Variants in MYO9B observed in about 807,000 individuals in gnomAD.
MYO9B encodes the protein unconventional myosin-IXb.
A neutral mutation model predicts 229.5 loss-of-function variants in MYO9B; 71 were observed. The ratio of observed to expected loss-of-function variants is 0.31; its 90% CI spans 0.26 to 0.38. MYO9B has a LOEUF of 0.38. Ranked by LOEUF, MYO9B falls within the 10% of genes least tolerant of loss-of-function variation. MYO9B has a pLI of 1.00. For missense variants in MYO9B, 2,255 were observed against 2,920.5 expected, an observed-to-expected ratio of 0.77 and a Z score of 5.25; for synonymous variants, 1,185 against 1,235.8, an observed-to-expected ratio of 0.96 and a Z score of 0.86.
At chr19:17,120,786 G>GGA (rs141471234) in intron 2 of MYO9B, among the ~76,000 whole-genome samples, 6 of 151,592 alleles carry the variant, frequency 4.0e-5, no homozygotes, top group South Asian at 2.1e-4. Context: ...TATATGTTCT[G>GGA]GAGAGAGAGA....
rs954968105 is a variant in MYO9B at position 17,182,223 on chromosome 19, G to GTGCA, written c.2333+1186_2333+1187insATGC. Among the ~76,000 whole-genome samples the GTGCA allele has an allele frequency of 5.3e-5, 8 of 152,106 alleles. 1 individual carries two copies. The highest frequency in any genetic ancestry group is 1.9e-4 in the African/African-American group (8 of 41,498). On this transcript the variant is annotated intron_variant, in intron 15 of 39. Transcript: ENST00000682292. Reference sequence around the variant, plus strand: ...ACCTCCAGAGTAGCTGGAACTACAGGTGCGCATTACCACACCTGTCTAATT... The same window carrying GTGCA: ...ACCTCCAGAGTAGCTGGAACTACAGGTGCATGCGCATTACCACACCTGTCTAATT...
intron 14 of MYO9B, among the ~76,000 whole-genome samples, chr19:17,176,979 T>C (rs931092853): frequency 3.9e-5 from 6 of 152,110 alleles, no homozygotes; most frequent in African/African-American, 1.2e-4. Flanking sequence ...GGCGGGCGGA[T>C]CACTTGAGGT....
Position 17,195,674 on chromosome 19 carries a change from G to A in MYO9B, c.4046+201G>A, listed in dbSNP as rs1402171293. Among the ~76,000 whole-genome samples the A allele has an allele frequency of 6.6e-6, 1 of 152,180 alleles. No individual in the cohort carries two copies. The highest frequency in any genetic ancestry group is 2.4e-5 in the African/African-American group (1 of 41,458). ...CAGCCAGGGCCCAGGCTGGGACCTG[G>A]AGCCTTGAGGGGTCCCCAGAAGGAG... is the stretch of plus-strand genomic sequence containing the variant. On this transcript the variant is annotated intron_variant, in intron 22 of 39. Coordinates refer to ENST00000682292, the MANE Select transcript of MYO9B (RefSeq NM_004145.4). The surrounding 1 kb of genome is among the most constrained non-coding windows in gnomAD (Gnocchi z 4.5).
At chr19:17,177,849 G>A (rs966897113) in intron 14 of MYO9B, 4 of 152,620 alleles carry the variant, frequency 2.6e-5, no homozygotes, top group South Asian at 2.1e-4. Flanking sequence ...CGATATTAAC[G>A]CTTTTGAGGA....
rs34273602 is a variant in MYO9B at position 17,137,225 on chromosome 19, C to CAA, written c.841-8155_841-8154dup. ...CCTGGGCAACAAGAGCAAACTGTCTCAAAAAAAAAAAAAAAAAAGCCAGGT... is the reference window on the plus strand; with the variant it reads ...CCTGGGCAACAAGAGCAAACTGTCTCAAAAAAAAAAAAAAAAAAAAGCCAGGT... On this transcript the variant is annotated intron_variant, in intron 2 of 39. Coordinates refer to ENST00000682292, the MANE Select transcript of MYO9B (RefSeq NM_004145.4). Among the ~76,000 whole-genome samples the CAA allele has an allele frequency of 4.7e-4, 43 of 91,746 alleles. 1 individual carries two copies. The highest frequency in any genetic ancestry group is 2.5e-3 in the South Asian group (6 of 2,412). The allele number at this position is 91,746 out of a possible 152,430, so 60.2% of individuals were successfully genotyped here.
At chr19:17,163,201 G>A in intron 10 of MYO9B, 79 bp downstream of exon 10, 2 of 1,452,344 alleles carry the variant, frequency 1.4e-6, no homozygotes, top group Non-Finnish European at 1.9e-6. Context: ...TTAACCATTT[G>A]TAAATATTCA....
At chr19:17,200,970 G>A (rs867422665) in intron 26 of MYO9B, 141 bp downstream of exon 26, 2 of 1,019,308 alleles carry the variant, frequency 2.0e-6, no homozygotes, top group Admixed American at 4.9e-5. Context: ...CGGGGACAGT[G>A]GTTCATGTTT....
At chr19:17,100,309 A>T (rs1179240603) in intron 1 of MYO9B, among the ~76,000 whole-genome samples, 2 of 151,538 alleles carry the variant, frequency 1.3e-5, no homozygotes, top group East Asian at 1.9e-4. Context: ...ATCTCTACTT[A>T]AAAAAATACA....
intron 2 of MYO9B, among the ~76,000 whole-genome samples, chr19:17,111,207 C>G (rs79556020): frequency 0.065 from 9,828 of 152,218 alleles, 339 homozygotes; most frequent in South Asian, 0.11. Context: ...CTGATGTGGG[C>G]AGACTGACCA....
chr19:17,173,827 A>T (rs1387673090), intron 13 of MYO9B, among the ~76,000 whole-genome samples: 1 of 152,028 alleles, frequency 6.6e-6, no homozygotes, highest in Non-Finnish European at 1.5e-5. Flanking sequence ...TGGCTCACCC[A>T]GGTCTAAGGG....
At chr19:17,166,599 C>T (rs1275601313) in intron 10 of MYO9B, among the ~76,000 whole-genome samples, 1 of 151,956 alleles carries the variant, frequency 6.6e-6, no homozygotes, top group South Asian at 2.1e-4. Context: ...TTTCATCACC[C>T]AGGTATTAAA....
intron 30 of MYO9B, among the ~76,000 whole-genome samples, chr19:17,204,026 G>A (rs948107519): frequency 2.6e-5 from 4 of 152,066 alleles, no homozygotes; most frequent in African/African-American, 9.7e-5. Flanking sequence ...GCAGGGTCAA[G>A]AGGGCCTCTC....
chr19:17,210,139 C>T (rs1403154524), intron 36 of MYO9B, among the ~76,000 whole-genome samples, 194 bp from the exon 37 acceptor site: 1 of 152,154 alleles, frequency 6.6e-6, no homozygotes, highest in Non-Finnish European at 1.5e-5. Flanking sequence ...GACCTGGGCC[C>T]TACCCACGGG....
intron 24 of MYO9B, 31 bp downstream of exon 24, chr19:17,198,339 C>G: frequency 6.2e-7 from 1 of 1,610,600 alleles, no homozygotes; most frequent in Non-Finnish European, 8.5e-7. Context: ...AAACTCAGGC[C>G]ACCAGAGGAT....
chr19:17,162,618 A>C (rs2072616022), intron 9 of MYO9B, among the ~76,000 whole-genome samples, 152 bp downstream of exon 9: 1 of 152,138 alleles, frequency 6.6e-6, no homozygotes, highest in African/African-American at 2.4e-5. Flanking sequence ...GAAACAGGAC[A>C]GGCTACGAAA....
At chr19:17,173,703 G>T (rs2072750835) in intron 13 of MYO9B, among the ~76,000 whole-genome samples, 1 of 152,142 alleles carries the variant, frequency 6.6e-6, no homozygotes, top group South Asian at 2.1e-4. Flanking sequence ...GAGGCAGGGG[G>T]TGTGCCTGAT....
chr19:17,152,969 C>T (rs1324509153), intron 4 of MYO9B, among the ~76,000 whole-genome samples: 1 of 152,114 alleles, frequency 6.6e-6, no homozygotes, highest in Non-Finnish European at 1.5e-5. Flanking sequence ...GATGTCTGCA[C>T]AAAATATACT....
chr19:17,121,951 A>C (rs1296878546), intron 2 of MYO9B, among the ~76,000 whole-genome samples: 2 of 151,130 alleles, frequency 1.3e-5, no homozygotes, highest in Non-Finnish European at 2.9e-5. Flanking sequence ...GTGCCACTGC[A>C]CTCCAGCCTG....
intron 9 of MYO9B, 60 bp downstream of exon 9, chr19:17,162,526 A>G: frequency 2.1e-6 from 3 of 1,417,460 alleles, no homozygotes; most frequent in African/African-American, 1.4e-5. Flanking sequence ...CTCACTACCA[A>G]TATCCTTGGT....
Sources: allele counts gnomAD v4.1 joint callset (sites outside exome capture counted in the v4.1 genomes callset), GRCh38; gene constraint gnomAD v4.1.1; non-coding constraint Gnocchi (gnomAD v3.1); transcripts MANE v1.5; gene names NCBI Gene and HGNC (gene_info 2026-07-23, HGNC 2026-07-21).